ATOSA: variants seen among roughly 807,000 people sequenced by gnomAD.
ATOSA encodes the protein atos homolog A, also known as atos homolog protein A.
the ATOSA span, chr15:52,608,738 A>C: frequency 6.2e-7 from 1 of 1,611,622 alleles, no homozygotes; most frequent in Admixed American, 1.7e-5. Context: ...TTATTGAGAT[A>C]ATTCTCTATG....
At chr15:52,673,324 G>T in the ATOSA span, among the ~76,000 whole-genome samples, 15 of 152,214 alleles carry the variant, frequency 9.9e-5, no homozygotes, top group African/African-American at 3.6e-4. Context: ...AACCACTTTG[G>T]TCCCAAAATC....
chr15:52,609,064 T>G, the ATOSA span: 1 of 1,613,350 alleles, frequency 6.2e-7, no homozygotes, highest in African/African-American at 1.3e-5. Flanking sequence ...ATTTTCTTTG[T>G]GCTGAGACAA....
At chr15:52,588,448 T>C in the ATOSA span, among the ~76,000 whole-genome samples, 1 of 152,092 alleles carries the variant, frequency 6.6e-6, no homozygotes, top group African/African-American at 2.4e-5. Context: ...TTATTATTAT[T>C]ATTATTTTGA....
the ATOSA span, chr15:52,658,911 G>C: frequency 7.6e-6 from 3 of 396,410 alleles, no homozygotes; most frequent in Admixed American, 4.4e-5. Flanking sequence ...CTTGAGCCTA[G>C]GAACTGGAGG....
the ATOSA span, among the ~76,000 whole-genome samples, chr15:52,640,477 A>G: frequency 6.7e-6 from 1 of 149,050 alleles, no homozygotes; most frequent in African/African-American, 2.5e-5. Context: ...AGGCTGAAGC[A>G]TGACAATCGG....
At chr15:52,676,618 A>C in the ATOSA span, among the ~76,000 whole-genome samples, 39 of 152,360 alleles carry the variant, frequency 2.6e-4, no homozygotes, top group African/African-American at 8.4e-4. Flanking sequence ...AATGCTAAAG[A>C]AAGCTACAAT....
At chr15:52,677,281 T>A in the ATOSA span, among the ~76,000 whole-genome samples, 1 of 152,190 alleles carries the variant, frequency 6.6e-6, no homozygotes, top group Non-Finnish European at 1.5e-5. Flanking sequence ...GGAATCAAAC[T>A]CATATCTGAC....
the ATOSA span, among the ~76,000 whole-genome samples, chr15:52,699,796 A>G: frequency 5.3e-5 from 8 of 152,156 alleles, no homozygotes; most frequent in East Asian, 1.9e-4. Context: ...GAGGATCACC[A>G]TGCCTTACTG....
the ATOSA span, among the ~76,000 whole-genome samples, chr15:52,606,501 T>A: frequency 1.4e-4 from 22 of 152,210 alleles, no homozygotes; most frequent in African/African-American, 5.1e-4. Flanking sequence ...TACCTTCATA[T>A]CAAAGTGAGA....
the ATOSA span, among the ~76,000 whole-genome samples, chr15:52,638,283 C>A: frequency 6.6e-6 from 1 of 152,142 alleles, no homozygotes; most frequent in Non-Finnish European, 1.5e-5. Flanking sequence ...CAAATTATTT[C>A]TTATTTAAGA....
chr15:52,588,763 A>G, the ATOSA span, among the ~76,000 whole-genome samples: 4 of 152,208 alleles, frequency 2.6e-5, no homozygotes, highest in African/African-American at 9.6e-5. Context: ...GTGATACTTA[A>G]AGAGCTTTAA....
chr15:52,647,535 G>A, the ATOSA span, among the ~76,000 whole-genome samples: 1 of 152,176 alleles, frequency 6.6e-6, no homozygotes, highest in Admixed American at 6.5e-5. Context: ...CCAGGCAGCT[G>A]GCTTGTCCCT....
chr15:52,638,800 G>GT, the ATOSA span, among the ~76,000 whole-genome samples: 1 of 151,600 alleles, frequency 6.6e-6, no homozygotes, highest in Non-Finnish European at 1.5e-5. Flanking sequence ...GTTCTGCAGG[G>GT]TTTTGCTGAG....
chr15:52,694,322 A>C, the ATOSA span, among the ~76,000 whole-genome samples: 3 of 151,906 alleles, frequency 2.0e-5, no homozygotes, highest in South Asian at 6.2e-4. Context: ...ATGCACTACC[A>C]CATCTGGCTA....
the ATOSA span, among the ~76,000 whole-genome samples, chr15:52,604,086 G>A: frequency 5.3e-5 from 8 of 152,130 alleles, no homozygotes; most frequent in African/African-American, 1.7e-4. Context: ...AACATCACAC[G>A]TACCCTGTAA....
At chr15:52,599,995 G>T in the ATOSA span, 1 of 474,904 alleles carries the variant, frequency 2.1e-6, no homozygotes, top group Non-Finnish European at 3.7e-6. Flanking sequence ...AAAATAAAAA[G>T]GTAATTTCAA....
chr15:52,670,844 A>C, the ATOSA span, among the ~76,000 whole-genome samples: 1 of 152,218 alleles, frequency 6.6e-6, no homozygotes, highest in African/African-American at 2.4e-5. Flanking sequence ...TCTTAGTTGA[A>C]GCTCAGAAGC....
the ATOSA span, among the ~76,000 whole-genome samples, chr15:52,690,611 C>T: frequency 6.6e-6 from 1 of 152,054 alleles, no homozygotes; most frequent in African/African-American, 2.4e-5. Context: ...GAACATGGCC[C>T]CTAAGTAGAG....
At chr15:52,611,040 AAAT>A in the ATOSA span, 2 of 1,389,512 alleles carry the variant, frequency 1.4e-6, no homozygotes, top group Non-Finnish European at 1.9e-6. Context: ...GAATTGCAGG[AAAT>A]AATCTATTTA....
Sources: allele counts gnomAD v4.1 joint callset (sites outside exome capture counted in the v4.1 genomes callset), GRCh38; gene constraint gnomAD v4.1.1; transcripts MANE v1.5; gene names NCBI Gene and HGNC (gene_info 2026-07-23, HGNC 2026-07-21).